Variants in CDYL observed in about 807,000 individuals in gnomAD.
CDYL encodes the protein chromodomain Y-like protein.
A neutral mutation model predicts 47.3 loss-of-function variants in CDYL; 8 were observed. The observed-to-expected ratio is 0.17, with a 90% CI of 0.10 to 0.31. The LOEUF (loss-of-function observed/expected upper bound fraction) is 0.31. Ranked by LOEUF, CDYL falls within the 10% of genes least tolerant of loss-of-function variation. The pLI, the probability that CDYL is intolerant of heterozygous loss-of-function variation, is 1.00. For missense variants in CDYL, 471 were observed against 701.4 expected (o/e 0.67, Z 3.71); for synonymous variants, 266 against 265.0 (o/e 1.00, Z -0.04).
chr6:4,817,515 G>T (rs1355581931), intron 1 of CDYL, among the ~76,000 whole-genome samples: 3 of 152,148 alleles, frequency 2.0e-5, no homozygotes, highest in Admixed American at 2.0e-4. Context: ...TGATAGAAAA[G>T]TGTTATCTTT....
chr6:4,827,837 T>A (rs1760021637), intron 1 of CDYL, among the ~76,000 whole-genome samples: 1 of 152,104 alleles, frequency 6.6e-6, no homozygotes, highest in Non-Finnish European at 1.5e-5. Flanking sequence ...GGATTTTAAG[T>A]AGAGACGGGG....
chr6:4,922,052 G>A (rs903128692), intron 2 of CDYL, among the ~76,000 whole-genome samples: 56 of 152,246 alleles, frequency 3.7e-4, no homozygotes, highest in African/African-American at 1.3e-3. Context: ...GGCTGCATTT[G>A]TGCAGCCTCA....
At chr6:4,745,639 A>G (rs1260287808) in intron 3 of CDYL, among the ~76,000 whole-genome samples, 1 of 152,196 alleles carries the variant, frequency 6.6e-6, no homozygotes, top group Middle Eastern at 3.2e-3. Flanking sequence ...TGGTCAGGTA[A>G]AACACTGAGG....
intron 1 of CDYL, among the ~76,000 whole-genome samples, chr6:4,807,251 G>A (rs1256382104): frequency 6.6e-6 from 1 of 152,150 alleles, no homozygotes; most frequent in African/African-American, 2.4e-5. Flanking sequence ...CATTTCAGTG[G>A]GTCGCTTATA....
chr6:4,788,691 A>G (rs1758831183), intron 1 of CDYL, among the ~76,000 whole-genome samples: 2 of 151,322 alleles, frequency 1.3e-5, no homozygotes, highest in South Asian at 2.1e-4. Context: ...TGGGGTGGGA[A>G]CTGTAAGGAT....
At chr6:4,764,431 A>C (rs566637598) in intron 3 of CDYL, among the ~76,000 whole-genome samples, 1 of 152,242 alleles carries the variant, frequency 6.6e-6, no homozygotes, top group South Asian at 2.1e-4. Context: ...CTGGGATTAC[A>C]GGCGCACACC....
At chr6:4,828,200 C>CA (rs199882154) in intron 1 of CDYL, among the ~76,000 whole-genome samples, 3,969 of 146,746 alleles carry the variant, frequency 0.027, 179 homozygotes, top group African/African-American at 0.093. Flanking sequence ...TCAGTTTCAA[C>CA]GTTAGTTTGC....
At chr6:4,864,226 G>A (rs1333976764) in intron 1 of CDYL, among the ~76,000 whole-genome samples, 2 of 152,148 alleles carry the variant, frequency 1.3e-5, no homozygotes, top group Non-Finnish European at 2.9e-5. Flanking sequence ...GTGGACTCTT[G>A]CTAAAAAGAT....
At chr6:4,731,984 G>A (rs1268002736) in intron 2 of CDYL, among the ~76,000 whole-genome samples, 4 of 152,120 alleles carry the variant, frequency 2.6e-5, no homozygotes, top group Non-Finnish European at 5.9e-5. Flanking sequence ...TTGTATGTGT[G>A]AAATACAAAT....
chr6:4,894,851 G>GTGTGTGTGTGTGTGTGTGTGTA (rs1561692179), intron 2 of CDYL, among the ~76,000 whole-genome samples: 3 of 104,350 alleles, frequency 2.9e-5, no homozygotes, highest in African/African-American at 1.1e-4. Flanking sequence ...GTGTGTGTGT[G>GTGTGTGTGTGTGTGTGTGTGTA]TGTGTATATG....
At chr6:4,749,314 T>TGGAC (rs1206242480) in intron 3 of CDYL, among the ~76,000 whole-genome samples, 1,325 of 130,410 alleles carry the variant, frequency 0.01, 13 homozygotes, top group African/African-American at 0.032. Flanking sequence ...GATAGATGGA[T>TGGAC]GGATGGATGG....
At position 4,874,901 on chromosome 6, in the gene CDYL, TC is replaced by T. The variant is rs529022420; in HGVS notation, c.25-16810del. On this transcript the variant is annotated intron_variant, in intron 1 of 6. Transcript: ENST00000397588. ...GTTGTCGTGGGATGGTGAGCAGTGT[TC>T]CATTGTGTGAACATACCCAGCATGT... Among the ~76,000 whole-genome samples the T allele has an allele frequency of 2.0e-5, 3 of 152,324 alleles. No individual in the cohort carries two copies. In the East Asian group the frequency reaches 5.8e-4, roughly 29 times the overall value.
At chr6:4,819,156 C>CTGTGTGTGTGTGTGTGTGTGTGTGTGTG (rs1261981708) in intron 1 of CDYL, among the ~76,000 whole-genome samples, 1 of 131,048 alleles carries the variant, frequency 7.6e-6, no homozygotes, top group African/African-American at 4.0e-5. Flanking sequence ...CTCTCTCTCT[C>CTGTGTGTGTGTGTGTGTGTGTGTGTGTG]TCTCTCTGTG....
chr6:4,739,560 G>A (rs1052459709), intron 3 of CDYL, among the ~76,000 whole-genome samples: 1 of 149,946 alleles, frequency 6.7e-6, no homozygotes, highest in Admixed American at 6.7e-5. Context: ...AAAATGCCAC[G>A]GATAGTTTTA....
At chr6:4,867,684 G>A (rs1398588218) in intron 1 of CDYL, among the ~76,000 whole-genome samples, 36 of 151,598 alleles carry the variant, frequency 2.4e-4, no homozygotes, top group Admixed American at 2.4e-3. Flanking sequence ...TGGTCATGAT[G>A]CACAATCCTA....
upstream of CDYL, among the ~76,000 whole-genome samples, chr6:4,773,786 G>A (rs554060558): frequency 1.3e-5 from 2 of 152,250 alleles, no homozygotes; most frequent in African/African-American, 2.4e-5. This position sits in a 1 kb window ranked among gnomAD's most constrained non-coding sequence, Gnocchi z 4.6. Context: ...TTGTTTTAGA[G>A]GCTACTGGTG....
intron 1 of CDYL, among the ~76,000 whole-genome samples, chr6:4,857,943 C>T (rs1002741278): frequency 6.6e-5 from 10 of 152,122 alleles, no homozygotes; most frequent in Admixed American, 2.6e-4. Flanking sequence ...GATTTAAAGA[C>T]GTGGATTTGC....
At chr6:4,798,758 G>A (rs1400427293) in intron 1 of CDYL, among the ~76,000 whole-genome samples, 1 of 152,284 alleles carries the variant, frequency 6.6e-6, no homozygotes, top group African/African-American at 2.4e-5. Context: ...TCATGAATAT[G>A]TACTAAAATT....
At chr6:4,803,007 AT>A (rs1759269354) in intron 1 of CDYL, among the ~76,000 whole-genome samples, 1 of 151,888 alleles carries the variant, frequency 6.6e-6, no homozygotes, top group Admixed American at 6.6e-5. Flanking sequence ...ACCCCACACT[AT>A]CCCTTTCCTG....
Sources: gnomAD v4.1 joint callset for allele counts (sites outside exome capture counted in the v4.1 genomes callset) on GRCh38, gnomAD v4.1.1 for gene constraint, Gnocchi (gnomAD v3.1) non-coding constraint, MANE v1.5 for transcripts, NCBI Gene and HGNC (gene_info 2026-07-23, HGNC 2026-07-21) for gene names.